RTN3: variants seen among roughly 807,000 people sequenced by gnomAD.
RTN3 encodes the protein reticulon-3.
A neutral mutation model predicts 77.8 loss-of-function variants in RTN3; 49 were observed. That is an observed-to-expected ratio of 0.63 (90% CI 0.50 to 0.80). The LOEUF (loss-of-function observed/expected upper bound fraction) is 0.80. RTN3 is among the 30% of genes least tolerant of loss of function. The pLI, the probability that RTN3 is intolerant of heterozygous loss-of-function variation, is 0.00. For missense variants in RTN3, 1,236 were observed against 1,211.9 expected (o/e 1.02, Z -0.29); for synonymous variants, 464 against 446.9 (o/e 1.04, Z -0.48).
At chr11:63,695,170 G>A (rs549514299) in intron 1 of RTN3, among the ~76,000 whole-genome samples, 16 of 152,304 alleles carry the variant, frequency 1.1e-4, no homozygotes, top group African/African-American at 3.1e-4. Flanking sequence ...TGAAAGATAC[G>A]AAGATATGTA....
rs34045543 is a variant in RTN3, at chr11:63,740,448, ATTTTTTT to A, written c.2531-9527_2531-9521del. Reference sequence around the variant, plus strand: ...AGGTGCCTGCCACCATGCCTGGCTAATTTTTTTTTTTTTTTTTTTTTTGTATTTTTAG... The same window carrying A: ...AGGTGCCTGCCACCATGCCTGGCTAATTTTTTTTTTTTTTTGTATTTTTAG... On this transcript the variant is annotated intron_variant, in intron 3 of 8. Coordinates refer to ENST00000377819, the MANE Select transcript of RTN3 (RefSeq NM_001265589.2). Among the ~76,000 whole-genome samples, 337 of 120,742 alleles carry A rather than the reference ATTTTTTT, an allele frequency of 2.8e-3. 4 individuals are homozygous for A. Among genetic ancestry groups the A allele is most frequent in the South Asian group, 8.8e-3 (32 of 3,656 alleles). The allele number at this position is 120,742 out of a possible 152,430, so 79.2% of individuals were successfully genotyped here.
At chr11:63,703,232 A>G (rs1942334723) in intron 1 of RTN3, among the ~76,000 whole-genome samples, 1 of 152,234 alleles carries the variant, frequency 6.6e-6, no homozygotes, top group South Asian at 2.1e-4. Context: ...TGTGTAGGTT[A>G]TATGCAAATA....
At chr11:63,705,028 A>G (rs1942430421) in intron 2 of RTN3, 121 bp downstream of exon 2, 1 of 785,872 alleles carries the variant, frequency 1.3e-6, no homozygotes, top group Non-Finnish European at 2.2e-6. Flanking sequence ...AAAACTAATT[A>G]CAAGCTGATT....
intron 2 of RTN3, among the ~76,000 whole-genome samples, chr11:63,717,120 A>AC (rs1408991751): frequency 1.3e-5 from 2 of 151,838 alleles, no homozygotes; most frequent in Non-Finnish European, 1.5e-5. Context: ...CCACAATTGT[A>AC]CCACTGGCAC....
At chr11:63,698,371 C>T (rs1280717021) in intron 1 of RTN3, among the ~76,000 whole-genome samples, 2 of 152,188 alleles carry the variant, frequency 1.3e-5, no homozygotes, top group Non-Finnish European at 2.9e-5. Flanking sequence ...AGCCATCCAC[C>T]TGCTTTGGCC....
intron 1 of RTN3, among the ~76,000 whole-genome samples, chr11:63,682,773 G>C (rs1941129283): frequency 6.6e-6 from 1 of 152,096 alleles, no homozygotes; most frequent in African/African-American, 2.4e-5. Flanking sequence ...GCGTCTGCCT[G>C]CTGGTAAGAG....
At chr11:63,692,136 C>T (rs1251034904) in intron 1 of RTN3, among the ~76,000 whole-genome samples, 1 of 152,164 alleles carries the variant, frequency 6.6e-6, no homozygotes, top group Admixed American at 6.5e-5. Context: ...AATCCTCTCA[C>T]CTCAGCCTCC....
chr11:63,744,491 A>G (rs1329546115), intron 3 of RTN3, among the ~76,000 whole-genome samples: 1 of 152,112 alleles, frequency 6.6e-6, no homozygotes, highest in African/African-American at 2.4e-5. Context: ...TCCATACAGC[A>G]TGTTACACTA....
At chr11:63,694,542 G>A (rs528002135) in intron 1 of RTN3, among the ~76,000 whole-genome samples, 19 of 152,124 alleles carry the variant, frequency 1.2e-4, no homozygotes, top group African/African-American at 3.4e-4. Flanking sequence ...GCATGATATC[G>A]GCTCACTACA....
chr11:63,686,344 G>C (rs184364062), intron 1 of RTN3, among the ~76,000 whole-genome samples: 1,751 of 152,002 alleles, frequency 0.012, 38 homozygotes, highest in Non-Finnish European at 0.013. Context: ...GTGGCGGGGC[G>C]CCTGTAGTCC....
intron 3 of RTN3, among the ~76,000 whole-genome samples, chr11:63,735,550 TTCTCTCTCTCTCTCTCTC>T (rs71468640): frequency 4.0e-4 from 17 of 42,686 alleles, no homozygotes; most frequent in African/African-American, 8.1e-4. Context: ...ATTCTAACAT[TTCTCTCTCTCTCTCTCTC>T]TCTCTCTCTC....
At chr11:63,738,733 T>G (rs2013290971) in intron 3 of RTN3, among the ~76,000 whole-genome samples, 1 of 152,172 alleles carries the variant, frequency 6.6e-6, no homozygotes, top group Admixed American at 6.6e-5. Flanking sequence ...ACAGCTCTTC[T>G]TTTCTACCTT....
intron 3 of RTN3, among the ~76,000 whole-genome samples, chr11:63,725,670 T>G (rs372094147): frequency 6.6e-6 from 1 of 152,126 alleles, no homozygotes; most frequent in Non-Finnish European, 1.5e-5. Flanking sequence ...GCCAGGATGG[T>G]CTCAATCTCC....
At chr11:63,699,068 A>C (rs1170406216) in intron 1 of RTN3, among the ~76,000 whole-genome samples, 1 of 152,186 alleles carries the variant, frequency 6.6e-6, no homozygotes, top group East Asian at 1.9e-4. Context: ...TGGGCGGGTC[A>C]CTTTAGGTCA....
intron 3 of RTN3, among the ~76,000 whole-genome samples, chr11:63,748,090 A>T (rs1257254636): frequency 1.3e-5 from 2 of 151,854 alleles, no homozygotes; most frequent in African/African-American, 2.4e-5. Flanking sequence ...AGGCGGGCAG[A>T]TCACTAGAGG....
intron 2 of RTN3, among the ~76,000 whole-genome samples, chr11:63,716,127 G>A (rs1425398395): frequency 6.6e-6 from 1 of 152,158 alleles, no homozygotes; most frequent in Non-Finnish European, 1.5e-5. Context: ...CTAATAACCA[G>A]ATTACAGTTA....
chr11:63,685,745 A>G (rs1941334809), intron 1 of RTN3, among the ~76,000 whole-genome samples: 1 of 152,246 alleles, frequency 6.6e-6, no homozygotes. Flanking sequence ...TCTTTCACCA[A>G]GCTCCTCTTG....
chr11:63,706,888 T>C (rs191442893), intron 2 of RTN3, among the ~76,000 whole-genome samples: 174 of 150,726 alleles, frequency 1.2e-3, no homozygotes, highest in African/African-American at 4.1e-3. Context: ...CTATTTTTTT[T>C]CTTTTCTTTT....
chr11:63,684,811 G>GT (rs1190495789), intron 1 of RTN3, among the ~76,000 whole-genome samples: 3 of 152,156 alleles, frequency 2.0e-5, no homozygotes, highest in Non-Finnish European at 4.4e-5. Context: ...CCAGGCTGGA[G>GT]TGCAGTGGTG....
Sources: allele counts gnomAD v4.1 joint callset (sites outside exome capture counted in the v4.1 genomes callset), GRCh38; gene constraint gnomAD v4.1.1; transcripts MANE v1.5; gene names NCBI Gene and HGNC (gene_info 2026-07-23, HGNC 2026-07-21).